CCDC85A: variants seen among roughly 807,000 people sequenced by gnomAD.
CCDC85A encodes the protein coiled-coil domain-containing protein 85A.
In CCDC85A, 38 loss-of-function variants were observed where a neutral mutation model predicts 50.2. That is an observed-to-expected ratio of 0.76 (90% CI 0.58 to 0.99). The LOEUF is 0.99. CCDC85A is among the 50% of genes least tolerant of loss of function. The probability of loss-of-function intolerance (pLI) is 0.00; values close to 1 mark genes in which losing one functional copy is unlikely to be tolerated. For synonymous variants in CCDC85A, 366 were observed against 301.4 expected, an observed-to-expected ratio of 1.21 and a Z score of -2.22; for missense variants, 820 against 742.0, an observed-to-expected ratio of 1.11 and a Z score of -1.22.
intron 2 of CCDC85A, among the ~76,000 whole-genome samples, chr2:56,338,451 G>T (rs912708506): frequency 6.6e-6 from 1 of 152,188 alleles, no homozygotes; most frequent in South Asian, 2.1e-4. Context: ...CAGCGGATGT[G>T]GTCAATGTGT....
chr2:56,341,400 G>A (rs534602120), intron 2 of CCDC85A, among the ~76,000 whole-genome samples: 1 of 152,164 alleles, frequency 6.6e-6, no homozygotes, highest in South Asian at 2.1e-4. Context: ...TTCTTGGTGG[G>A]TGGGCTTGCG....
chr2:56,204,446 G>A (rs1239607729), intron 2 of CCDC85A, among the ~76,000 whole-genome samples: 2 of 152,130 alleles, frequency 1.3e-5, no homozygotes, highest in Non-Finnish European at 2.9e-5. Context: ...AGGTTTGTAT[G>A]TTGATAAACA....
intron 3 of CCDC85A, 90 bp downstream of exon 3, chr2:56,343,045 T>C: frequency 1.1e-6 from 1 of 878,150 alleles, no homozygotes; most frequent in Non-Finnish European, 1.8e-6. Flanking sequence ...ACGTTTTGTC[T>C]TTTAAATGAT....
chr2:56,215,358 G>A (rs1175572727), intron 2 of CCDC85A, among the ~76,000 whole-genome samples: 1 of 151,734 alleles, frequency 6.6e-6, no homozygotes, highest in Non-Finnish European at 1.5e-5. Context: ...GTTATTTCTT[G>A]CTTTCCAGTT....
chr2:56,276,194 T>C (rs1334625113), intron 2 of CCDC85A, among the ~76,000 whole-genome samples: 1 of 152,184 alleles, frequency 6.6e-6, no homozygotes, highest in African/African-American at 2.4e-5. Flanking sequence ...AGTATAGATA[T>C]AAAATTATTC....
At chr2:56,253,764 C>G (rs1669869203) in intron 2 of CCDC85A, among the ~76,000 whole-genome samples, 1 of 152,038 alleles carries the variant, frequency 6.6e-6, no homozygotes, top group Admixed American at 6.6e-5. Context: ...CCATAGAGAC[C>G]AACAGGAAGA....
intron 3 of CCDC85A, among the ~76,000 whole-genome samples, chr2:56,351,852 T>C (rs923019768): frequency 2.2e-4 from 34 of 152,268 alleles, no homozygotes; most frequent in Non-Finnish European, 3.7e-4. Flanking sequence ...AGCTCTTTAG[T>C]TTAATTCGAT....
intron 4 of CCDC85A, among the ~76,000 whole-genome samples, chr2:56,373,262 C>A (rs13407062): frequency 0.024 from 3,713 of 151,998 alleles, 125 homozygotes; most frequent in African/African-American, 0.083. Flanking sequence ...TCCATGGCTC[C>A]CAAAGCTAGT....
At chr2:56,361,021 A>G (rs1352383973) in intron 3 of CCDC85A, among the ~76,000 whole-genome samples, 1 of 152,238 alleles carries the variant, frequency 6.6e-6, no homozygotes, top group Non-Finnish European at 1.5e-5. Context: ...TGGGAAGCCA[A>G]GGCGGGCAGA....
In CCDC85A at chr2:56,236,420, A is replaced by G. The variant is rs148567840; in HGVS notation, c.1240+42980A>G. ...AAGGCATGATCTGTGTCTGACTTCT[A>G]TAATCCTTTTCTGACTTGGCCTTCT... On this transcript the variant is annotated intron_variant, in intron 2 of 5. Coordinates refer to ENST00000407595, the MANE Select transcript of CCDC85A (RefSeq NM_001080433.2). 4.9e-3 allele frequency among the ~76,000 whole-genome samples: 749 copies of G among 152,320 alleles called. 2 individuals carry two copies. The highest frequency in any genetic ancestry group is 6.9e-3 in the Non-Finnish European group (470 of 68,034).
chr2:56,285,493 A>G (rs1404786220), intron 2 of CCDC85A, among the ~76,000 whole-genome samples: 3 of 133,814 alleles, frequency 2.2e-5, no homozygotes, highest in South Asian at 4.5e-4. Flanking sequence ...ATATTACATT[A>G]ATAATATTAT....
chr2:56,200,561 A>G lies in CCDC85A; in HGVS notation c.1240+7121A>G, dbSNP rs530669412. ...TCCTGACATAAATTGCTTTCTCTTT[A>G]GAGTGCCGTTCAAGTGTTTCCAATA... On this transcript the variant is annotated intron_variant, in intron 2 of 5. Transcript: ENST00000407595. Among the ~76,000 whole-genome samples, 4 of 152,304 alleles carry G rather than the reference A, an allele frequency of 2.6e-5. No homozygotes were observed. The South Asian group carries it at 8.3e-4, about 32-fold the overall frequency.
intron 2 of CCDC85A, among the ~76,000 whole-genome samples, chr2:56,210,886 G>A (rs1321503536): frequency 1.3e-5 from 2 of 151,954 alleles, no homozygotes; most frequent in East Asian, 1.9e-4. Flanking sequence ...GTCATAAGCC[G>A]ATCAAGATGC....
intron 3 of CCDC85A, among the ~76,000 whole-genome samples, chr2:56,368,528 TAC>T (rs1374775773): frequency 1.3e-5 from 2 of 152,170 alleles, no homozygotes; most frequent in Non-Finnish European, 2.9e-5. Context: ...AAACTAGGCA[TAC>T]ACTCTGATGA....
At chr2:56,282,271 C>G (rs1193290180) in intron 2 of CCDC85A, among the ~76,000 whole-genome samples, 2 of 151,970 alleles carry the variant, frequency 1.3e-5, no homozygotes, top group African/African-American at 4.8e-5. Flanking sequence ...GTTTGTCTGT[C>G]CTTACATTAA....
chr2:56,204,111 C>T (rs1005618500), intron 2 of CCDC85A, among the ~76,000 whole-genome samples: 1 of 152,146 alleles, frequency 6.6e-6, no homozygotes, highest in Non-Finnish European at 1.5e-5. Context: ...GTAAATAAAA[C>T]CTGAGAGTAA....
chr2:56,273,687 A>AATATATATATAT (rs10579579), intron 2 of CCDC85A, among the ~76,000 whole-genome samples: 1 of 148,234 alleles, frequency 6.7e-6, no homozygotes, highest in African/African-American at 2.5e-5. Context: ...TGGGTTTCAG[A>AATATATATATAT]ATATATATAT....
intron 2 of CCDC85A, among the ~76,000 whole-genome samples, chr2:56,235,971 C>A (rs1298842723): frequency 2.0e-5 from 3 of 151,936 alleles, no homozygotes; most frequent in Non-Finnish European, 4.4e-5. Flanking sequence ...GGAGGGAAAG[C>A]CACCAACTAG....
At chr2:56,349,788 A>G (rs1452133678) in intron 3 of CCDC85A, among the ~76,000 whole-genome samples, 3 of 152,152 alleles carry the variant, frequency 2.0e-5, no homozygotes, top group South Asian at 4.1e-4. Context: ...GCCTTTTTAT[A>G]TCTACACTGG....
Sources: allele counts gnomAD v4.1 joint callset (sites outside exome capture counted in the v4.1 genomes callset), GRCh38; gene constraint gnomAD v4.1.1; transcripts MANE v1.5; gene names NCBI Gene and HGNC (gene_info 2026-07-23, HGNC 2026-07-21).